OPCML: variants seen among roughly 807,000 people sequenced by gnomAD.
OPCML encodes the protein opioid-binding protein/cell adhesion molecule.
OPCML carries 13 observed loss-of-function variants against 37.8 expected under a neutral mutation model. That is an observed-to-expected ratio of 0.34 (90% CI 0.22 to 0.55). The LOEUF (loss-of-function observed/expected upper bound fraction) is 0.55, where lower values mean the gene tolerates loss of function less well. OPCML is among the 20% of genes least tolerant of loss of function. The probability of loss-of-function intolerance (pLI) is 0.91; values close to 1 mark genes in which losing one functional copy is unlikely to be tolerated. For synonymous variants in OPCML, 176 were observed against 168.8 expected (o/e 1.04, Z -0.33); for missense variants, 341 against 435.6 (o/e 0.78, Z 1.93).
intron 1 of OPCML, among the ~76,000 whole-genome samples, chr11:133,240,673 A>G (rs117635802): frequency 2.0e-4 from 31 of 152,170 alleles, no homozygotes; most frequent in Admixed American, 4.6e-4. Context: ...TTCTATAGAG[A>G]TTACTCCTCT....
chr11:132,797,961 C>CCT (rs1351263151), intron 2 of OPCML, among the ~76,000 whole-genome samples: 1 of 152,298 alleles, frequency 6.6e-6, no homozygotes, highest in Non-Finnish European at 1.5e-5. Flanking sequence ...TCATAAAAGA[C>CCT]CTCTCTAGCA....
At chr11:132,581,437 TAA>T (rs2096461824) in intron 3 of OPCML, among the ~76,000 whole-genome samples, 1 of 152,202 alleles carries the variant, frequency 6.6e-6, no homozygotes, top group South Asian at 2.1e-4. Flanking sequence ...TGATTGTGTA[TAA>T]AGTTACATCC....
chr11:133,527,145 G>T (rs540195623), intron 1 of OPCML, among the ~76,000 whole-genome samples: 1 of 152,370 alleles, frequency 6.6e-6, no homozygotes, highest in African/African-American at 2.4e-5. Flanking sequence ...AGAAAAGCCA[G>T]TGCCCATAGG....
chr11:133,180,838 C>CAAAAAA (rs34333844), intron 1 of OPCML, among the ~76,000 whole-genome samples: 6 of 93,614 alleles, frequency 6.4e-5, no homozygotes, highest in African/African-American at 1.9e-4. Context: ...CTCAGCAAAG[C>CAAAAAA]AAAAAAAAAA....
chr11:133,118,364 G>A (rs1949368467), intron 1 of OPCML: 12 of 985,182 alleles, frequency 1.2e-5, no homozygotes, highest in East Asian at 1.1e-4. Context: ...GTTGTTTAAC[G>A]GTGAGAGTTA....
chr11:133,377,485 C>T (rs1183637366), intron 1 of OPCML, among the ~76,000 whole-genome samples: 2 of 151,952 alleles, frequency 1.3e-5, no homozygotes, highest in Admixed American at 6.5e-5. Flanking sequence ...TTCTCTTTCC[C>T]TCTTCCTGTC....
At chr11:132,583,348 G>A (rs189776297) in intron 3 of OPCML, among the ~76,000 whole-genome samples, 77 of 152,240 alleles carry the variant, frequency 5.1e-4, no homozygotes, top group Non-Finnish European at 3.4e-4. Flanking sequence ...GGCCAGACTG[G>A]AGTGCAGTGG....
At chr11:133,328,898 T>C (rs1488990111) in intron 1 of OPCML, among the ~76,000 whole-genome samples, 1 of 152,226 alleles carries the variant, frequency 6.6e-6, no homozygotes, top group Non-Finnish European at 1.5e-5. Flanking sequence ...AAATTGTCCC[T>C]GTTTGCAGAC....
intron 1 of OPCML, among the ~76,000 whole-genome samples, chr11:133,078,200 C>A (rs148351433): frequency 1.3e-5 from 2 of 152,164 alleles, no homozygotes; most frequent in South Asian, 4.1e-4. Flanking sequence ...GCACCGAGCA[C>A]GCCACGGTGG....
intron 1 of OPCML, among the ~76,000 whole-genome samples, chr11:133,155,089 T>A (rs550914438): frequency 3.9e-5 from 6 of 152,238 alleles, no homozygotes; most frequent in African/African-American, 1.2e-4. Flanking sequence ...TGGGAAGGTC[T>A]CTTAATGCCA....
chr11:133,147,501 G>A (rs1033229001), intron 1 of OPCML, among the ~76,000 whole-genome samples: 1 of 152,138 alleles, frequency 6.6e-6, no homozygotes, highest in African/African-American at 2.4e-5. Flanking sequence ...GGCCAATTTC[G>A]ATGGTAAGCA....
chr11:133,103,208 T>C (rs1260851681), intron 1 of OPCML, among the ~76,000 whole-genome samples: 2 of 152,226 alleles, frequency 1.3e-5, no homozygotes, highest in Admixed American at 6.5e-5. Context: ...TTGTAAACCA[T>C]AGTTTTAGTA....
At chr11:133,399,138 C>A (rs958536436) in intron 1 of OPCML, among the ~76,000 whole-genome samples, 1 of 152,086 alleles carries the variant, frequency 6.6e-6, no homozygotes, top group Non-Finnish European at 1.5e-5. Flanking sequence ...TCCCCCTCCC[C>A]CAGCAAAGAA....
intron 1 of OPCML, among the ~76,000 whole-genome samples, chr11:133,294,109 C>T (rs1416129388): frequency 1.3e-5 from 2 of 151,896 alleles, no homozygotes; most frequent in Admixed American, 1.3e-4. Flanking sequence ...GAAAGAAGCA[C>T]CGCCTCCCTG....
intron 1 of OPCML, among the ~76,000 whole-genome samples, chr11:133,215,592 A>G (rs1939551878): frequency 6.6e-6 from 1 of 152,172 alleles, no homozygotes; most frequent in African/African-American, 2.4e-5. Flanking sequence ...AGGCCTGGGG[A>G]AACAGTGAGG....
At chr11:133,350,016 T>C (rs1420721566) in intron 1 of OPCML, among the ~76,000 whole-genome samples, 4 of 152,178 alleles carry the variant, frequency 2.6e-5, no homozygotes, top group Non-Finnish European at 5.9e-5. Flanking sequence ...CATCGCGGGC[T>C]GCAGAGGAGC....
intron 1 of OPCML, among the ~76,000 whole-genome samples, chr11:133,368,635 A>G (rs989731892): frequency 8.5e-5 from 13 of 152,174 alleles, no homozygotes; most frequent in African/African-American, 3.1e-4. Flanking sequence ...TTCTTGCTGG[A>G]CTTTTTATCT....
intron 1 of OPCML, among the ~76,000 whole-genome samples, chr11:133,053,986 A>G (rs1449531259): frequency 6.6e-6 from 1 of 152,270 alleles, no homozygotes; most frequent in Non-Finnish European, 1.5e-5. Flanking sequence ...ATGGGGTCTC[A>G]ATCTTGGTAA....
chr11:133,451,576 G>T lies in OPCML; in HGVS notation c.61+80688C>A, dbSNP rs542182764. Reference sequence around the variant, plus strand: ...AGATTGGTTTAGGCTGAGCGTGGTGGCTCATGCCTGTAATCCAGCGCTTTG... The same window carrying T: ...AGATTGGTTTAGGCTGAGCGTGGTGTCTCATGCCTGTAATCCAGCGCTTTG... On this transcript the variant is annotated intron_variant, in intron 1 of 7. Coordinates refer to ENST00000524381, the MANE Select transcript of OPCML (RefSeq NM_001012393.5). Among the ~76,000 whole-genome samples the T allele has an allele frequency of 7.2e-5, 11 of 151,762 alleles. No homozygotes were observed. In the South Asian group the frequency reaches 2.3e-3, roughly 31 times the overall value.
Sources: allele counts gnomAD v4.1 joint callset (sites outside exome capture counted in the v4.1 genomes callset), GRCh38; gene constraint gnomAD v4.1.1; transcripts MANE v1.5; gene names NCBI Gene and HGNC (gene_info 2026-07-23, HGNC 2026-07-21).